ZFHX3: variants seen among roughly 807,000 people sequenced by gnomAD.
ZFHX3 encodes the protein zinc finger homeobox protein 3.
A neutral mutation model predicts 279.1 loss-of-function variants in ZFHX3; 42 were observed. The ratio of observed to expected loss-of-function variants is 0.15; its 90% CI spans 0.12 to 0.19. ZFHX3 has a LOEUF of 0.19. ZFHX3 is among the 10% of genes least tolerant of loss of function. The pLI, the probability that ZFHX3 is intolerant of heterozygous loss-of-function variation, is 1.00. For missense variants in ZFHX3, 4,981 were observed against 4,754.0 expected, an observed-to-expected ratio of 1.05 and a Z score of -1.40; for synonymous variants, 2,293 against 1,957.8, an observed-to-expected ratio of 1.17 and a Z score of -4.52.
intron 3 of ZFHX3, among the ~76,000 whole-genome samples, chr16:73,329,671 A>G (rs890130424): frequency 2.0e-5 from 3 of 152,216 alleles, no homozygotes. Flanking sequence ...GATAAAAATT[A>G]ATGACTTTTG....
intron 3 of ZFHX3, among the ~76,000 whole-genome samples, chr16:73,422,025 G>A (rs2017727738): frequency 6.6e-6 from 1 of 151,988 alleles, no homozygotes; most frequent in African/African-American, 2.4e-5. Context: ...CATGCAAAAG[G>A]TACATTTCCT....
At chr16:73,675,336 C>T (rs2052943774) in intron 2 of ZFHX3, among the ~76,000 whole-genome samples, 1 of 151,980 alleles carries the variant, frequency 6.6e-6, no homozygotes, top group Non-Finnish European at 1.5e-5. Flanking sequence ...TTCCCAAAAC[C>T]TCCCTAAATA....
intron 1 of ZFHX3, among the ~76,000 whole-genome samples, chr16:73,684,714 T>TC (rs1567551298): frequency 2.5e-5 from 3 of 119,464 alleles, no homozygotes; most frequent in Non-Finnish European, 5.5e-5. Flanking sequence ...TTTTTTTTTT[T>TC]TTTGGAGATG....
intron 1 of ZFHX3, among the ~76,000 whole-genome samples, chr16:73,732,024 G>A (rs1356583714): frequency 3.3e-5 from 5 of 152,156 alleles, no homozygotes; most frequent in African/African-American, 9.7e-5. Context: ...GTTTTTATTT[G>A]TAGCAAACGC....
chr16:73,321,769 AC>A (rs1353084718), intron 3 of ZFHX3, among the ~76,000 whole-genome samples: 1 of 152,146 alleles, frequency 6.6e-6, no homozygotes, highest in Non-Finnish European at 1.5e-5. Flanking sequence ...TACTGACAAA[AC>A]ACCAGCTTTG....
intron 4 of ZFHX3, among the ~76,000 whole-genome samples, chr16:72,870,448 G>A (rs1277277204): frequency 6.7e-6 from 1 of 149,760 alleles, no homozygotes. Context: ...GGTGGCTCAC[G>A]CCTGTAATCC....
chr16:73,042,451 C>T lies in ZFHX3; in HGVS notation c.-50+5301G>A, dbSNP rs182706685. Among the ~76,000 whole-genome samples the T allele has an allele frequency of 2.0e-5, 3 of 152,254 alleles. No individual in the cohort carries two copies. In the East Asian group the frequency reaches 5.8e-4, roughly 29 times the overall value. Reference sequence around the variant, plus strand: ...TCACACTCCTGGATGGAGTCAGGAACAACCAAGAAACAAGCAAAACTGTTC... The same window carrying T: ...TCACACTCCTGGATGGAGTCAGGAATAACCAAGAAACAAGCAAAACTGTTC... On this transcript the variant is annotated intron_variant, in intron 1 of 9. Transcript: ENST00000268489.
chr16:73,445,918 C>T (rs2143547911), intron 3 of ZFHX3, among the ~76,000 whole-genome samples: 1 of 152,322 alleles, frequency 6.6e-6, no homozygotes, highest in Non-Finnish European at 1.5e-5. Context: ...AATGAAGTTC[C>T]TGTTGCCCAC....
intron 1 of ZFHX3, among the ~76,000 whole-genome samples, chr16:73,843,231 T>C (rs1027529409): frequency 6.6e-6 from 1 of 152,186 alleles, no homozygotes; most frequent in African/African-American, 2.4e-5. Flanking sequence ...GAACAAAGAC[T>C]GGAGTTTTAT....
chr16:73,143,725 T>C lies in ZFHX3; in HGVS notation c.-1024+27A>G, dbSNP rs556012896. 7.7e-6 allele frequency: 10 copies of C among 1,302,890 alleles called. No homozygotes were observed. In the East Asian group the frequency reaches 3.9e-4, roughly 51 times the overall value. 80.7% of individuals were successfully genotyped at this position (1,302,890 alleles called of 1,614,324 possible). ...TCACCTGGTATAACATTTTCTTTCA[T>C]TGAGAAACAAGAAAGCTGGAACTCA... On this transcript the variant is annotated intron_variant, in intron 6 of 17. Coordinates refer to the ZFHX3 transcript ENST00000641206.
In ZFHX3 at chr16:72,957,688, G is replaced by A. The variant is rs1344399327; in HGVS notation, c.2458C>T (p.Arg820Cys). Residue 820 changes from arginine to cysteine, a missense_variant, in exon 2 of 10, where the codon CGC becomes TGC. Arg to Cys is a radical substitution (Grantham distance 180, BLOSUM62 -3). Coordinates refer to ENST00000268489, the MANE Select transcript of ZFHX3 (RefSeq NM_006885.4). ...DYETNVARNL[R>C]IHMTSEKHMH... ...TGCTTCTCACTGGTCATGTGAATGC[G>A]GAGGTTCCTGGCCACGTTGGTCTCA... 1.2e-6 allele frequency: 2 copies of A among 1,614,176 alleles called. No individual in the cohort carries two copies. Among genetic ancestry groups the A allele is most frequent in the Admixed American group, 1.7e-5 (1 of 60,026 alleles).
chr16:73,358,893 G>A (rs2016388582), intron 3 of ZFHX3, among the ~76,000 whole-genome samples: 1 of 152,318 alleles, frequency 6.6e-6, no homozygotes, highest in South Asian at 2.1e-4. Context: ...CTACAAAACA[G>A]AGGTAATAAT....
At chr16:73,408,761 G>A (rs1011770149) in intron 3 of ZFHX3, among the ~76,000 whole-genome samples, 12 of 152,060 alleles carry the variant, frequency 7.9e-5, no homozygotes, top group African/African-American at 2.9e-4. Flanking sequence ...GCCAGGGTCT[G>A]AGCCCTTGCT....
At chr16:73,479,518 C>T (rs752829603) in intron 2 of ZFHX3, among the ~76,000 whole-genome samples, 4 of 152,200 alleles carry the variant, frequency 2.6e-5, no homozygotes, top group Non-Finnish European at 4.4e-5. Context: ...CTGGAAGCCT[C>T]TCTGGGCTGC....
intron 1 of ZFHX3, among the ~76,000 whole-genome samples, chr16:73,025,632 C>A (rs894241158): frequency 2.0e-5 from 3 of 152,148 alleles, no homozygotes; most frequent in Non-Finnish European, 2.9e-5. Flanking sequence ...CCCCCAGGCA[C>A]CCCTGGGCTG....
intron 5 of ZFHX3, among the ~76,000 whole-genome samples, chr16:73,188,577 C>A (rs1427240837): frequency 1.3e-5 from 2 of 152,166 alleles, no homozygotes; most frequent in African/African-American, 4.8e-5. Flanking sequence ...TTTCAGAAAA[C>A]CCTGACTAAA....
chr16:73,648,549 G>A (rs960297748), intron 2 of ZFHX3, among the ~76,000 whole-genome samples: 8 of 151,924 alleles, frequency 5.3e-5, no homozygotes, highest in South Asian at 2.1e-4. Flanking sequence ...ACAACCATGC[G>A]CAGCTAATTT....
chr16:72,869,105 G>A (rs1478028195), intron 4 of ZFHX3, among the ~76,000 whole-genome samples: 5 of 152,192 alleles, frequency 3.3e-5, no homozygotes, highest in African/African-American at 4.8e-5. Context: ...GAGAGAAGAC[G>A]GAAAGGAAGG....
intron 1 of ZFHX3, among the ~76,000 whole-genome samples, chr16:73,033,543 G>T (rs1200117626): frequency 6.6e-6 from 1 of 151,894 alleles, no homozygotes; most frequent in Non-Finnish European, 1.5e-5. Context: ...GGTGGGGGGG[G>T]ACTGGCACTC....
Sources: gnomAD v4.1 joint callset for allele counts (sites outside exome capture counted in the v4.1 genomes callset) on GRCh38, gnomAD v4.1.1 for gene constraint, MANE v1.5 for transcripts, NCBI Gene and HGNC (gene_info 2026-07-23, HGNC 2026-07-21) for gene names.